Variants in RBFOX3 observed in about 807,000 individuals in gnomAD.
RBFOX3 encodes RNA binding fox-1 homolog 3.
Under a neutral mutation model 48.7 loss-of-function variants are expected in RBFOX3, and 17 were observed. The observed-to-expected ratio is 0.35, with a 90% CI of 0.24 to 0.52. The LOEUF (loss-of-function observed/expected upper bound fraction) is 0.52, where lower values mean the gene tolerates loss of function less well. RBFOX3 is among the 20% of genes least tolerant of loss of function. The probability of loss-of-function intolerance (pLI) is 0.94; values close to 1 mark genes in which losing one functional copy is unlikely to be tolerated. For synonymous variants in RBFOX3, 212 were observed against 209.5 expected, an observed-to-expected ratio of 1.01 and a Z score of -0.10; for missense variants, 382 against 497.5, an observed-to-expected ratio of 0.77 and a Z score of 2.21.
intron 4 of RBFOX3, among the ~76,000 whole-genome samples, chr17:79,126,605 T>C (rs1352700959): frequency 2.0e-5 from 3 of 152,132 alleles, no homozygotes; most frequent in African/African-American, 7.2e-5. Flanking sequence ...CCCAAGGGCG[T>C]GCAAACGAGG....
intron 2 of RBFOX3, among the ~76,000 whole-genome samples, chr17:79,425,398 G>A (rs1598635733): frequency 6.6e-6 from 1 of 152,298 alleles, no homozygotes; most frequent in Admixed American, 6.5e-5. Flanking sequence ...AGCCAAGCAG[G>A]GAGTCAACCC....
chr17:79,409,410 T>C (rs374734833), intron 2 of RBFOX3, among the ~76,000 whole-genome samples: 3 of 152,250 alleles, frequency 2.0e-5, no homozygotes, highest in Non-Finnish European at 2.9e-5. Flanking sequence ...GTCCAACTTT[T>C]TGAGGAACTG....
chr17:79,112,495 G>C (rs940142016), intron 5 of RBFOX3, among the ~76,000 whole-genome samples: 2 of 152,158 alleles, frequency 1.3e-5, no homozygotes, highest in Non-Finnish European at 2.9e-5. Context: ...TGGGGCCCAG[G>C]CTGTCTTTGA....
intron 1 of RBFOX3, among the ~76,000 whole-genome samples, chr17:79,607,856 G>A (rs1254778052): frequency 1.3e-5 from 2 of 152,198 alleles, no homozygotes; most frequent in African/African-American, 2.4e-5. Context: ...CAAAGAGCCC[G>A]ATAATCTCTC....
At chr17:79,420,176 A>ACACACACACACACAC (rs1568218047) in intron 2 of RBFOX3, among the ~76,000 whole-genome samples, 1 of 37,562 alleles carries the variant, frequency 2.7e-5, no homozygotes, top group Non-Finnish European at 6.0e-5. Context: ...CACACACACA[A>ACACACACACACACAC]AAGATGGTTA....
At chr17:79,271,835 G>A (rs1344291879) in intron 3 of RBFOX3, among the ~76,000 whole-genome samples, 2 of 152,234 alleles carry the variant, frequency 1.3e-5, no homozygotes, top group Non-Finnish European at 2.9e-5. Context: ...CATGAGGAGA[G>A]TCAGGACCTA....
At chr17:79,475,489 G>A (rs2077600466) in intron 2 of RBFOX3, among the ~76,000 whole-genome samples, 2 of 152,252 alleles carry the variant, frequency 1.3e-5, no homozygotes, top group South Asian at 2.1e-4. Flanking sequence ...GATACAGTGG[G>A]TGGAATCATG....
At chr17:79,397,618 G>C (rs1331179116) in intron 2 of RBFOX3, among the ~76,000 whole-genome samples, 1 of 152,066 alleles carries the variant, frequency 6.6e-6, no homozygotes, top group Non-Finnish European at 1.5e-5. Flanking sequence ...GGCCAGGTGA[G>C]CTGGCCATAG....
the RBFOX3 span, among the ~76,000 whole-genome samples, chr17:79,636,336 A>C: frequency 6.6e-6 from 1 of 152,188 alleles, no homozygotes; most frequent in Non-Finnish European, 1.5e-5. Flanking sequence ...TCTGAAAAAA[A>C]TACACTACCA....
Position 79,095,557 on chromosome 17 carries a change from G to A in RBFOX3, c.954C>T (p.Tyr318=), listed in dbSNP as rs1183974426. The part of the protein sequence containing the change: ...GAEIYGGYAA[Y]RYAQPAAAAA... Reference sequence around the variant, plus strand: ...CCGCTGCAGCGGGCTGAGCGTATCTGTAGGCTGCGTAGCCTCCCTGCAGGG... The same window carrying A: ...CCGCTGCAGCGGGCTGAGCGTATCTATAGGCTGCGTAGCCTCCCTGCAGGG... Residue 318 remains tyrosine (Y), a synonymous_variant, in exon 13 of 15, where the codon TAC becomes TAT. Transcript: ENST00000693108. The A allele has an allele frequency of 1.3e-6, 2 of 1,551,388 alleles. No homozygotes were observed. Among genetic ancestry groups the A allele is most frequent in the Non-Finnish European group, 1.7e-6 (2 of 1,146,772 alleles).
At chr17:79,474,105 G>A (rs1417325480) in intron 2 of RBFOX3, among the ~76,000 whole-genome samples, 1 of 151,180 alleles carries the variant, frequency 6.6e-6, no homozygotes, top group Non-Finnish European at 1.5e-5. Context: ...TCTGAGGAAT[G>A]CACGTGTCAA....
intron 1 of RBFOX3, among the ~76,000 whole-genome samples, chr17:79,563,424 T>G (rs1438077274): frequency 6.6e-6 from 1 of 152,144 alleles, no homozygotes; most frequent in African/African-American, 2.4e-5. Flanking sequence ...AGCAGCCCCT[T>G]AGGGGGAAGA....
intron 2 of RBFOX3, among the ~76,000 whole-genome samples, chr17:79,420,640 G>A (rs948867083): frequency 3.3e-5 from 5 of 152,160 alleles, no homozygotes; most frequent in Admixed American, 1.3e-4. Context: ...GGAAGTGCAC[G>A]GGAACCGCTT....
intron 2 of RBFOX3, among the ~76,000 whole-genome samples, chr17:79,419,003 C>T (rs987031553): frequency 1.3e-5 from 2 of 152,146 alleles, no homozygotes; most frequent in South Asian, 2.1e-4. Flanking sequence ...CTGCTGGTGT[C>T]AAGGGACCGT....
chr17:79,261,002 G>A (rs1292676239), intron 3 of RBFOX3, among the ~76,000 whole-genome samples: 2 of 146,492 alleles, frequency 1.4e-5, no homozygotes, highest in African/African-American at 5.0e-5. Context: ...CCTCCCTCCC[G>A]TCCTGGGGCC....
intron 1 of RBFOX3, among the ~76,000 whole-genome samples, chr17:79,588,064 C>T (rs1348355148): frequency 6.6e-6 from 1 of 152,148 alleles, no homozygotes; most frequent in Non-Finnish European, 1.5e-5. Context: ...AACTCTTGAG[C>T]TCAATCCATC....
At chr17:79,207,805 C>T (rs2057721555) in intron 4 of RBFOX3, among the ~76,000 whole-genome samples, 1 of 152,202 alleles carries the variant, frequency 6.6e-6, no homozygotes, top group African/African-American at 2.4e-5. Flanking sequence ...GCCTCCTGCA[C>T]GCTCACACCT....
intron 3 of RBFOX3, among the ~76,000 whole-genome samples, chr17:79,269,238 T>C (rs950707213): frequency 2.6e-5 from 4 of 152,200 alleles, no homozygotes; most frequent in African/African-American, 9.7e-5. Flanking sequence ...GAGGCCAGGA[T>C]GGATCCTCCC....
chr17:79,389,986 AGCCTCCAGGTCTCCG>A (rs2061138130), intron 2 of RBFOX3, among the ~76,000 whole-genome samples: 3 of 7,730 alleles, frequency 3.9e-4, no homozygotes, highest in East Asian at 6.7e-3. Flanking sequence ...GGGTCTCCGC[AGCCTCCAGGTCTCCG>A]CAGCCTCCAG....
Sources: gnomAD v4.1 joint callset for allele counts (sites outside exome capture counted in the v4.1 genomes callset) on GRCh38, gnomAD v4.1.1 for gene constraint, MANE v1.5 for transcripts, NCBI Gene and HGNC (gene_info 2026-07-23, HGNC 2026-07-21) for gene names.